HDGFL3: variants seen among roughly 807,000 people sequenced by gnomAD.
HDGFL3 encodes the protein HDGF like 3.
HDGFL3 carries 6 observed loss-of-function variants against 27.6 expected under a neutral mutation model. That is an observed-to-expected ratio of 0.22 (90% confidence interval 0.12 to 0.43). The LOEUF is 0.43. Among genes scored for constraint, HDGFL3 ranks in the 20% least tolerant of loss-of-function variants. The probability of loss-of-function intolerance (pLI) is 1.00; values close to 1 mark genes in which losing one functional copy is unlikely to be tolerated. For synonymous variants in HDGFL3, 88 were observed against 88.9 expected (o/e 0.99, Z 0.05); for missense variants, 207 against 250.1 (o/e 0.83, Z 1.16).
intron 3 of HDGFL3, among the ~76,000 whole-genome samples, chr15:83,118,694 A>G (rs971236920): frequency 1.3e-5 from 2 of 152,144 alleles, no homozygotes; most frequent in Non-Finnish European, 2.9e-5. Flanking sequence ...CTTGTTGTAG[A>G]AAGGACTTAA....
rs1462284663 is a variant in HDGFL3, at chr15:83,133,763, C to G, written c.*5507G>C. 6.6e-6 allele frequency: 1 copy of G among 152,290 alleles called. No individual in the cohort carries two copies. The highest frequency in any genetic ancestry group is 1.9e-4 in the East Asian group (1 of 5,200). 9.4% of individuals were successfully genotyped at this position (152,290 alleles called of 1,614,324 possible). ...ATCACCCAGGAGAAAACCTGCAGCC[C>G]TTTATTAGCTATGTGCTTGGGAAGA... On this transcript the variant is annotated 3_prime_UTR_variant, in exon 6 of 6. Transcript: ENST00000299633.
At chr15:83,185,655 C>G (rs1056634201) in intron 1 of HDGFL3, among the ~76,000 whole-genome samples, 1 of 152,158 alleles carries the variant, frequency 6.6e-6, no homozygotes, top group Non-Finnish European at 1.5e-5. Context: ...AAGAGAGATG[C>G]ATTTGCCTGT....
chr15:83,196,201 G>A (rs1010346589), intron 1 of HDGFL3, among the ~76,000 whole-genome samples: 4 of 151,076 alleles, frequency 2.6e-5, no homozygotes, highest in African/African-American at 9.7e-5. Flanking sequence ...ATTTATATTT[G>A]TCCATTATAT....
intron 1 of HDGFL3, among the ~76,000 whole-genome samples, chr15:83,192,473 A>G (rs1196806526): frequency 2.6e-5 from 4 of 152,222 alleles, no homozygotes; most frequent in Non-Finnish European, 4.4e-5. Flanking sequence ...GGAAGCTAAC[A>G]TTAATTTTTG....
chr15:83,185,138 C>G (rs146136381), intron 1 of HDGFL3: 3,095 of 152,574 alleles, frequency 0.02, 103 homozygotes, highest in African/African-American at 0.071. Flanking sequence ...ATTCTCCTGC[C>G]TCAGCCTCCC....
At chr15:83,200,856 C>CTTTTTTTTTTTTTTT (rs200038603) in intron 1 of HDGFL3, among the ~76,000 whole-genome samples, 3 of 120,176 alleles carry the variant, frequency 2.5e-5, no homozygotes, top group Non-Finnish European at 1.8e-5. Context: ...TTACTTTATT[C>CTTTTTTTTTTTTTTT]TTTTTTTTTT....
At chr15:83,145,770 T>G (rs1201258952) in intron 5 of HDGFL3, among the ~76,000 whole-genome samples, 2 of 151,992 alleles carry the variant, frequency 1.3e-5, no homozygotes, top group East Asian at 3.9e-4. Context: ...TTTCTAACAT[T>G]CTGGTATCTC....
At chr15:83,188,429 T>C (rs2037472192) in intron 1 of HDGFL3, among the ~76,000 whole-genome samples, 1 of 152,166 alleles carries the variant, frequency 6.6e-6, no homozygotes, top group African/African-American at 2.4e-5. Flanking sequence ...AATTTTTGTA[T>C]GTTTTGGTAG....
At chr15:83,169,794 C>T (rs1249582287) in intron 1 of HDGFL3, among the ~76,000 whole-genome samples, 1 of 152,062 alleles carries the variant, frequency 6.6e-6, no homozygotes, top group Non-Finnish European at 1.5e-5. Flanking sequence ...AGCAAGAGTC[C>T]ATCTCAAAAC....
At chr15:83,146,600 CT>C (rs1308865150) in intron 5 of HDGFL3, among the ~76,000 whole-genome samples, 2 of 152,160 alleles carry the variant, frequency 1.3e-5, no homozygotes, top group African/African-American at 4.8e-5. Flanking sequence ...CCTTGATTCC[CT>C]GGCCTCTAAT....
At chr15:83,141,378 C>T (rs1237759408) in intron 5 of HDGFL3, among the ~76,000 whole-genome samples, 1 of 152,046 alleles carries the variant, frequency 6.6e-6, no homozygotes, top group Non-Finnish European at 1.5e-5. Context: ...CAACAGAAGC[C>T]GTAAGGATCT....
At chr15:83,171,754 A>AG (rs1168355907) in intron 1 of HDGFL3, among the ~76,000 whole-genome samples, 1 of 146,032 alleles carries the variant, frequency 6.8e-6, no homozygotes, top group Admixed American at 6.8e-5. Context: ...GATGGGAGGG[A>AG]GGGGGACAAG....
Position 83,129,217 on chromosome 15 carries a change from C to T in HDGFL3, c.*10053G>A, listed in dbSNP as rs970466705. The stretch of plus-strand genomic sequence containing the variant: ...CCTACACTAGTCTGAGCTCTCATTA[C>T]CTTACTTCATGCCAGGCAAACCACG... On this transcript the variant is annotated 3_prime_UTR_variant, in exon 6 of 6. Coordinates refer to ENST00000299633, the MANE Select transcript of HDGFL3 (RefSeq NM_016073.4). The T allele has an allele frequency of 9.2e-5, 14 of 152,218 alleles. No individual in the cohort carries two copies. Among genetic ancestry groups the T allele is most frequent in the African/African-American group, 2.7e-4 (11 of 41,436 alleles). 9.4% of individuals were successfully genotyped at this position (152,218 alleles called of 1,614,324 possible).
At chr15:83,112,997 C>G (rs541910044) in exon 4 of HDGFL3, 6 of 1,052,950 alleles carry the variant, frequency 5.7e-6, no homozygotes, top group Admixed American at 5.3e-5. Flanking sequence ...ATACTCTGAG[C>G]CCTTTGGTAA....
chr15:83,169,381 C>G lies in HDGFL3; in HGVS notation c.85-5306G>C, dbSNP rs968822674. The G allele has an allele frequency of 3.5e-5, 5 of 142,516 alleles. No individual in the cohort carries two copies. The South Asian group carries it at 7.7e-4, about 22-fold the overall frequency. The allele number at this position is 142,516 out of a possible 1,614,324, so 8.8% of individuals were successfully genotyped here. On this transcript the variant is annotated intron_variant, in intron 1 of 5. Transcript: ENST00000299633. Reference sequence around the variant, plus strand: ...AGTGAGCCGAGATCGCGCCACTGCACTCCAGCCTGGGCGACAGAGCGAGAC... The same window carrying G: ...AGTGAGCCGAGATCGCGCCACTGCAGTCCAGCCTGGGCGACAGAGCGAGAC...
intron 2 of HDGFL3, among the ~76,000 whole-genome samples, chr15:83,160,991 G>A (rs751697694): frequency 3.6e-4 from 55 of 152,128 alleles, no homozygotes; most frequent in Non-Finnish European, 6.8e-4. Context: ...TACATTACTG[G>A]ACATCTTAAT....
At chr15:83,169,108 G>A in intron 1 of HDGFL3, 1 of 286,796 alleles carries the variant, frequency 3.5e-6, no homozygotes. Context: ...GGTATTGAAG[G>A]AACATATCTC....
intron 2 of HDGFL3, among the ~76,000 whole-genome samples, chr15:83,158,576 T>C (rs1190902798): frequency 6.6e-6 from 1 of 152,172 alleles, no homozygotes; most frequent in Non-Finnish European, 1.5e-5. Context: ...TTTTAAATAT[T>C]ACACCCCTCT....
intron 1 of HDGFL3, among the ~76,000 whole-genome samples, chr15:83,167,830 T>C (rs137860555): frequency 1.9e-3 from 293 of 152,218 alleles, no homozygotes; most frequent in African/African-American, 6.7e-3. Context: ...TTGGACCTAA[T>C]AGACAACCAC....
Sources: allele counts gnomAD v4.1 joint callset (sites outside exome capture counted in the v4.1 genomes callset), GRCh38; gene constraint gnomAD v4.1.1; transcripts MANE v1.5; gene names NCBI Gene and HGNC (gene_info 2026-07-23, HGNC 2026-07-21).